Variants in ARHGAP39 observed in about 807,000 individuals in gnomAD.
ARHGAP39 encodes the protein Rho GTPase activating protein 39, also known as rho GTPase-activating protein 39.
A neutral mutation model predicts 106.9 loss-of-function variants in ARHGAP39; 44 were observed. That is an observed-to-expected ratio of 0.41 (90% confidence interval 0.32 to 0.53). The LOEUF is 0.53. Ranked by LOEUF, ARHGAP39 falls within the 20% of genes least tolerant of loss-of-function variation. The probability of loss-of-function intolerance (pLI) is 0.21; values close to 1 mark genes in which losing one functional copy is unlikely to be tolerated. For synonymous variants in ARHGAP39, 768 were observed against 693.2 expected (o/e 1.11, Z -1.69); for missense variants, 1,496 against 1,577.3 (o/e 0.95, Z 0.87).
chr8:144,581,467 G>A (rs1458300731), intron 2 of ARHGAP39, among the ~76,000 whole-genome samples, 190 bp from the exon 3 acceptor site: 1 of 152,264 alleles, frequency 6.6e-6, no homozygotes. Context: ...AGCCCCCGGA[G>A]CCGCCAGCGC....
In ARHGAP39 at chr8:144,649,807, C is replaced by T. The variant is rs553163285; in HGVS notation, c.-82+35879G>A. 2.0e-5 allele frequency among the ~76,000 whole-genome samples: 3 copies of T among 152,100 alleles called. No individual in the cohort carries two copies. The East Asian group carries it at 5.8e-4, about 29-fold the overall frequency. On this transcript the variant is annotated intron_variant, in intron 1 of 11. Coordinates refer to ENST00000377307, the MANE Select transcript of ARHGAP39 (RefSeq NM_025251.3). ...ACTGACCCCACAGAAATAAAAATAA[C>T]CATCAGAAACTACTATGAACACCTC... is the stretch of plus-strand genomic sequence containing the variant.
chr8:144,609,537 G>A (rs1820414857), intron 1 of ARHGAP39, among the ~76,000 whole-genome samples: 1 of 151,804 alleles, frequency 6.6e-6, no homozygotes, highest in Non-Finnish European at 1.5e-5. Context: ...AAGTAGGTGG[G>A]ATTATAGGCA....
At chr8:144,657,151 T>C (rs541255842) in intron 1 of ARHGAP39, among the ~76,000 whole-genome samples, 1 of 151,970 alleles carries the variant, frequency 6.6e-6, no homozygotes, top group South Asian at 2.1e-4. Context: ...TCCAGCACTT[T>C]TGCAGGCCAA....
intron 1 of ARHGAP39, among the ~76,000 whole-genome samples, chr8:144,682,548 C>CAAAA (rs1041779842): frequency 7.1e-5 from 5 of 70,184 alleles, no homozygotes; most frequent in Admixed American, 1.6e-4. Context: ...GACTCTGTCT[C>CAAAA]AAAAAAAAAA....
chr8:144,684,094 G>T lies in ARHGAP39; in HGVS notation c.-82+1592C>A, dbSNP rs1402652349. On this transcript the variant is annotated intron_variant, in intron 1 of 11. Transcript: ENST00000377307. This position sits in a 1 kb window ranked among gnomAD's most constrained non-coding sequence, Gnocchi z 4.4. ...AACAGAAGAGTCGCGACTCAGAGGCGGGCAGCCTGGCTCCAGAACCCGCCC... is the reference window on the plus strand; with the variant it reads ...AACAGAAGAGTCGCGACTCAGAGGCTGGCAGCCTGGCTCCAGAACCCGCCC... 2.0e-5 allele frequency among the ~76,000 whole-genome samples: 3 copies of T among 152,270 alleles called. No homozygotes were observed. Among genetic ancestry groups the T allele is most frequent in the Middle Eastern group, 3.4e-3 (1 of 294 alleles).
At chr8:144,567,190 T>C (rs1346575694) in intron 3 of ARHGAP39, among the ~76,000 whole-genome samples, 2 of 152,226 alleles carry the variant, frequency 1.3e-5, no homozygotes, top group African/African-American at 4.8e-5. Flanking sequence ...ATGAATATCA[T>C]TGATCAATAG....
intron 1 of ARHGAP39, among the ~76,000 whole-genome samples, chr8:144,649,865 G>A (rs542057898): frequency 2.6e-5 from 4 of 152,106 alleles, no homozygotes; most frequent in African/African-American, 9.6e-5. Context: ...TAGAAGAGAC[G>A]GATAAATTCT....
intron 2 of ARHGAP39, 141 bp downstream of exon 2, chr8:144,605,394 C>T (rs1364036696): frequency 1.4e-5 from 12 of 862,392 alleles, no homozygotes; most frequent in Non-Finnish European, 2.2e-5. Context: ...GTGGCATCGG[C>T]CATCCAGGCC....
intron 4 of ARHGAP39, among the ~76,000 whole-genome samples, chr8:144,549,378 C>G (rs561853791): frequency 1.0e-3 from 158 of 152,384 alleles, no homozygotes; most frequent in Non-Finnish European, 1.7e-3. Flanking sequence ...ACGCATAGCA[C>G]TTTGCACATC....
chr8:144,581,809 G>A (rs1185654362), intron 2 of ARHGAP39, among the ~76,000 whole-genome samples: 1 of 152,142 alleles, frequency 6.6e-6, no homozygotes, highest in African/African-American at 2.4e-5. Flanking sequence ...TCAGACCCCC[G>A]ATGGGGGGCA....
chr8:144,664,527 G>T (rs574892926), intron 1 of ARHGAP39, among the ~76,000 whole-genome samples: 26 of 152,320 alleles, frequency 1.7e-4, no homozygotes, highest in African/African-American at 6.0e-4. Flanking sequence ...GCAGGACTCA[G>T]CCATGGTTAT....
chr8:144,553,014 G>A (rs1036708434), intron 4 of ARHGAP39, among the ~76,000 whole-genome samples: 1 of 152,180 alleles, frequency 6.6e-6, no homozygotes, highest in Non-Finnish European at 1.5e-5. Context: ...CTCAGCCCCT[G>A]TGGGGCTGGC....
chr8:144,533,051 C>T (rs1816791687), intron 9 of ARHGAP39, 75 bp downstream of exon 9: 4 of 1,526,190 alleles, frequency 2.6e-6, no homozygotes, highest in Admixed American at 1.8e-5. Context: ...GGCTTAATGG[C>T]CCCTGCATGC....
chr8:144,661,314 CTT>C (rs1239860735), intron 1 of ARHGAP39, among the ~76,000 whole-genome samples: 1 of 152,220 alleles, frequency 6.6e-6, no homozygotes, highest in Non-Finnish European at 1.5e-5. Context: ...CCCGGCTCCT[CTT>C]TGCGCATTCG....
At position 144,533,279 on chromosome 8, in the gene ARHGAP39, G is replaced by A. The variant is rs1293287790; in HGVS notation, c.2735C>T (p.Ala912Val). Residue 912 changes from alanine (A) to valine (V), a missense_variant, in exon 9 of 12, where the codon GCC (alanine) becomes GTC (valine). Ala to Val is a moderately conservative substitution (Grantham distance 64). Transcript: ENST00000377307. ...NVEEIRHAKN[A>V]VFSPSMFGSA... is the part of the protein sequence containing the mutation. ...GCCGAACATGGACGGGCTGAACACG[G>A]CGTTCTTGGCATGCCGGATCTCCTC... 1 of 1,613,148 alleles carries A rather than the reference G, an allele frequency of 6.2e-7. No individual in the cohort carries two copies. Among genetic ancestry groups the A allele is most frequent in the Admixed American group, 1.7e-5 (1 of 60,028 alleles).
At chr8:144,611,235 A>G (rs565515435) in intron 1 of ARHGAP39, among the ~76,000 whole-genome samples, 1 of 152,314 alleles carries the variant, frequency 6.6e-6, no homozygotes, top group African/African-American at 2.4e-5. Context: ...TTTCTCAGAG[A>G]ACATAATTTA....
At chr8:144,584,876 C>G (rs1046255154) in intron 2 of ARHGAP39, among the ~76,000 whole-genome samples, 7 of 152,308 alleles carry the variant, frequency 4.6e-5, no homozygotes, top group African/African-American at 1.7e-4. Flanking sequence ...AGTTACGTGG[C>G]TTTGTAAAGT....
At chr8:144,570,578 A>T (rs1818552089) in intron 3 of ARHGAP39, among the ~76,000 whole-genome samples, 1 of 152,200 alleles carries the variant, frequency 6.6e-6, no homozygotes, top group African/African-American at 2.4e-5. Flanking sequence ...CGAGTGACCA[A>T]CTCACTGCTT....
chr8:144,635,003 A>G (rs1259758339), intron 1 of ARHGAP39, among the ~76,000 whole-genome samples: 3 of 152,286 alleles, frequency 2.0e-5, no homozygotes, highest in African/African-American at 7.2e-5. Flanking sequence ...TTCACTTCTC[A>G]GGGAAACATT....
Sources: gnomAD v4.1 joint callset for allele counts (sites outside exome capture counted in the v4.1 genomes callset) on GRCh38, gnomAD v4.1.1 for gene constraint, Gnocchi (gnomAD v3.1) non-coding constraint, MANE v1.5 for transcripts, NCBI Gene and HGNC (gene_info 2026-07-23, HGNC 2026-07-21) for gene names.